TSHZ2: variants seen among roughly 807,000 people sequenced by gnomAD.
The protein encoded by TSHZ2 is teashirt homolog 2.
A neutral mutation model predicts 74.4 loss-of-function variants in TSHZ2; 21 were observed. The ratio of observed to expected loss-of-function variants is 0.28; its 90% CI spans 0.20 to 0.41. TSHZ2 has a LOEUF of 0.41. TSHZ2 is among the 10% of genes least tolerant of loss of function. TSHZ2 has a pLI of 1.00. For missense variants in TSHZ2, 1,244 were observed against 1,293.5 expected, an observed-to-expected ratio of 0.96 and a Z score of 0.59; for synonymous variants, 540 against 515.3, an observed-to-expected ratio of 1.05 and a Z score of -0.65.
At chr20:53,034,126 T>C (rs1394954435) in intron 1 of TSHZ2, among the ~76,000 whole-genome samples, 1 of 152,170 alleles carries the variant, frequency 6.6e-6, no homozygotes, top group Non-Finnish European at 1.5e-5. Flanking sequence ...AATACACTGT[T>C]TACTAGTAAA....
intron 2 of TSHZ2, among the ~76,000 whole-genome samples, chr20:53,466,763 G>C (rs1985575681): frequency 6.7e-6 from 1 of 150,226 alleles, no homozygotes; most frequent in African/African-American, 2.5e-5. Context: ...TCCATTGTCA[G>C]GATGTTGTCC....
intron 2 of TSHZ2, among the ~76,000 whole-genome samples, chr20:53,425,777 G>A (rs1357147581): frequency 6.6e-6 from 1 of 151,112 alleles, no homozygotes; most frequent in Non-Finnish European, 1.5e-5. Flanking sequence ...TGCAGGTAGT[G>A]TTTATGTCAT....
At chr20:53,182,982 C>G (rs780492002) in intron 1 of TSHZ2, among the ~76,000 whole-genome samples, 1 of 152,180 alleles carries the variant, frequency 6.6e-6, no homozygotes, top group African/African-American at 2.4e-5. Flanking sequence ...TCAGTCAGGA[C>G]AAGTGGCCTG....
chr20:53,454,888 C>A (rs932718049), intron 2 of TSHZ2, among the ~76,000 whole-genome samples: 5 of 152,208 alleles, frequency 3.3e-5, no homozygotes, highest in African/African-American at 1.2e-4. Context: ...ATCACCACAT[C>A]TGAACAATGA....
intron 1 of TSHZ2, among the ~76,000 whole-genome samples, chr20:53,003,245 C>T (rs1405213052): frequency 7.0e-6 from 1 of 142,520 alleles, no homozygotes; most frequent in Non-Finnish European, 1.5e-5. Flanking sequence ...TCCTGTTTTT[C>T]TCCAGGGATG....
At chr20:53,050,691 A>C (rs949934387) in intron 1 of TSHZ2, among the ~76,000 whole-genome samples, 5 of 152,224 alleles carry the variant, frequency 3.3e-5, no homozygotes, top group African/African-American at 1.2e-4. Flanking sequence ...TTGATAAAGC[A>C]ACTGAATAAA....
At chr20:53,318,203 A>C (rs929843298) in intron 2 of TSHZ2, among the ~76,000 whole-genome samples, 3 of 152,230 alleles carry the variant, frequency 2.0e-5, no homozygotes, top group African/African-American at 7.2e-5. Flanking sequence ...AATGCCTAAA[A>C]GTTCAGGAGG....
chr20:53,420,753 A>C lies in TSHZ2; in HGVS notation c.*9-66391A>C, dbSNP rs1055603260. Among the ~76,000 whole-genome samples, 4 of 151,962 alleles carry C rather than the reference A, an allele frequency of 2.6e-5. No homozygotes were observed. In the East Asian group the frequency reaches 7.7e-4, roughly 29 times the overall value. ...ACTCTAGCCTGGGCGACAGAGCAAG[A>C]CTCTGTCTCAAAAACAAAAAAGAAA... On this transcript the variant is annotated intron_variant, in intron 2 of 2. Transcript: ENST00000371497.
chr20:53,195,955 A>G (rs1263019665), intron 1 of TSHZ2, among the ~76,000 whole-genome samples: 4 of 152,120 alleles, frequency 2.6e-5, no homozygotes, highest in Non-Finnish European at 5.9e-5. Flanking sequence ...AGAATGATGT[A>G]TTCTATTTTT....
intron 1 of TSHZ2, among the ~76,000 whole-genome samples, chr20:53,144,192 T>G (rs1987482534): frequency 6.6e-6 from 1 of 152,218 alleles, no homozygotes; most frequent in Non-Finnish European, 1.5e-5. Context: ...TTGGGAAGTT[T>G]AGAATCTTGC....
intron 1 of TSHZ2, among the ~76,000 whole-genome samples, chr20:53,238,995 G>T (rs942562272): frequency 6.6e-6 from 1 of 152,272 alleles, no homozygotes; most frequent in Middle Eastern, 3.4e-3. Context: ...GAAATGGATG[G>T]TGGTTAGACG....
intron 2 of TSHZ2, among the ~76,000 whole-genome samples, chr20:53,458,474 C>T (rs1026272284): frequency 3.9e-5 from 6 of 152,082 alleles, no homozygotes; most frequent in Non-Finnish European, 7.4e-5. Flanking sequence ...GTCTTGCTAG[C>T]AGTCTATCAA....
intron 2 of TSHZ2, among the ~76,000 whole-genome samples, chr20:53,380,622 G>A (rs1306367821): frequency 1.3e-5 from 2 of 152,134 alleles, no homozygotes; most frequent in African/African-American, 4.8e-5. Flanking sequence ...AAAGAATAAT[G>A]GGGCAGAAGG....
chr20:53,240,727 A>G (rs1990044301), intron 1 of TSHZ2, among the ~76,000 whole-genome samples: 1 of 141,352 alleles, frequency 7.1e-6, no homozygotes, highest in Admixed American at 6.8e-5. Context: ...TAGATGATAG[A>G]TAGATAGATA....
At chr20:52,987,403 G>A in intron 1 of TSHZ2, among the ~76,000 whole-genome samples, 1 of 151,952 alleles carries the variant, frequency 6.6e-6, no homozygotes, top group East Asian at 1.9e-4. Flanking sequence ...CAGGATAACA[G>A]GAAAAAGTAC....
At position 53,254,787 on chromosome 20, in the gene TSHZ2, C is replaced by T. The variant is rs1321146869; in HGVS notation, c.1329C>T (p.Pro443=). ...CCCCAAACAGTGATTCTCTGGCTCC[C>T]AAGCCATCCAGTAACTCAGCATCAG... ...SEAPNSDSLA[P]KPSSNSASDC... Residue 443 remains proline, a synonymous_variant, in exon 2 of 3, where the codon CCC becomes CCT. Coordinates refer to ENST00000371497, the MANE Select transcript of TSHZ2 (RefSeq NM_173485.6). The T allele has an allele frequency of 1.2e-6, 2 of 1,613,256 alleles. No individual in the cohort carries two copies. Among genetic ancestry groups the T allele is most frequent in the Non-Finnish European group, 1.7e-6 (2 of 1,179,488 alleles).
At chr20:53,159,775 AT>A (rs1374632986) in intron 1 of TSHZ2, among the ~76,000 whole-genome samples, 1 of 151,936 alleles carries the variant, frequency 6.6e-6, no homozygotes, top group African/African-American at 2.4e-5. Flanking sequence ...TTATTCATTC[AT>A]TTTTTTCATT....
chr20:53,464,791 C>G (rs1048484282), intron 2 of TSHZ2, among the ~76,000 whole-genome samples: 1 of 152,048 alleles, frequency 6.6e-6, no homozygotes, highest in African/African-American at 2.4e-5. Context: ...CTAAGAGACA[C>G]AGTCTCACTC....
At chr20:53,434,516 G>A (rs1318196929) in intron 2 of TSHZ2, among the ~76,000 whole-genome samples, 1 of 152,196 alleles carries the variant, frequency 6.6e-6, no homozygotes, top group Non-Finnish European at 1.5e-5. Context: ...GGTTTTGGAA[G>A]AATCATAAGG....
Sources: allele counts gnomAD v4.1 joint callset (sites outside exome capture counted in the v4.1 genomes callset), GRCh38; gene constraint gnomAD v4.1.1; transcripts MANE v1.5; gene names NCBI Gene and HGNC (gene_info 2026-07-23, HGNC 2026-07-21).